DPP10: variants seen among roughly 807,000 people sequenced by gnomAD.
DPP10 encodes the protein inactive dipeptidyl peptidase 10.
In DPP10, 33 loss-of-function variants were observed where a neutral mutation model predicts 120.9. The observed-to-expected ratio is 0.27, with a 90% CI of 0.21 to 0.37. The LOEUF (loss-of-function observed/expected upper bound fraction) is 0.37, where lower values mean the gene tolerates loss of function less well. Ranked by LOEUF, DPP10 falls within the 10% of genes least tolerant of loss-of-function variation. The pLI, the probability that DPP10 is intolerant of heterozygous loss-of-function variation, is 1.00. For missense variants in DPP10, 816 were observed against 942.8 expected (o/e 0.87, Z 1.76); for synonymous variants, 337 against 326.1 (o/e 1.03, Z -0.36).
chr2:115,416,529 A>G (rs1292641975), intron 3 of DPP10, among the ~76,000 whole-genome samples: 2 of 152,056 alleles, frequency 1.3e-5, no homozygotes, highest in African/African-American at 2.4e-5. Context: ...ACCCTAGGCC[A>G]TCTATTCTGT....
At chr2:115,010,885 C>G (rs1340002186) in intron 1 of DPP10, among the ~76,000 whole-genome samples, 1 of 152,102 alleles carries the variant, frequency 6.6e-6, no homozygotes. Flanking sequence ...AAGATTGATG[C>G]AGAACAACTA....
intron 1 of DPP10, among the ~76,000 whole-genome samples, chr2:115,023,475 GAAAAAAATC>G (rs1487364654): frequency 6.6e-6 from 1 of 151,642 alleles, no homozygotes; most frequent in Non-Finnish European, 1.5e-5. Flanking sequence ...TGGTCATAAT[GAAAAAAATC>G]AAAAAAATAA....
intron 1 of DPP10, among the ~76,000 whole-genome samples, chr2:115,121,952 G>A (rs1056745856): frequency 6.6e-6 from 1 of 152,192 alleles, no homozygotes; most frequent in Non-Finnish European, 1.5e-5. Flanking sequence ...GATTTGGGGG[G>A]ATCAAAATTT....
At chr2:115,826,354 A>G (rs1688314302) in intron 21 of DPP10, among the ~76,000 whole-genome samples, 1 of 152,188 alleles carries the variant, frequency 6.6e-6, no homozygotes, top group Non-Finnish European at 1.5e-5. Context: ...TTATTTCCAT[A>G]CTTTTTTATT....
At chr2:114,879,431 T>C (rs1691427503) in intron 1 of DPP10, among the ~76,000 whole-genome samples, 1 of 152,136 alleles carries the variant, frequency 6.6e-6, no homozygotes, top group African/African-American at 2.4e-5. Context: ...CTCAACTCTT[T>C]TAAAACTTTC....
chr2:114,613,942 G>A (rs1693476715), intron 1 of DPP10, among the ~76,000 whole-genome samples: 1 of 152,080 alleles, frequency 6.6e-6, no homozygotes, highest in South Asian at 2.1e-4. Context: ...CCCAGGAAGG[G>A]GAACATCATA....
intron 2 of DPP10, among the ~76,000 whole-genome samples, chr2:115,324,206 G>A (rs1202004842): frequency 1.3e-5 from 2 of 152,130 alleles, no homozygotes; most frequent in Non-Finnish European, 2.9e-5. Flanking sequence ...AACCCAGGAG[G>A]TGGAGGTTGC....
rs192017655 is a variant in DPP10 at position 115,254,463 on chromosome 2, C to T, written c.61-54776C>T. ...GATATAGCCAAACCATATTATTCCACCCCTGGACCCTCCCAAATCTCATGT... is the reference window on the plus strand; with the variant it reads ...GATATAGCCAAACCATATTATTCCATCCCTGGACCCTCCCAAATCTCATGT... On this transcript the variant is annotated intron_variant, in intron 1 of 25. Coordinates refer to ENST00000410059, the MANE Select transcript of DPP10 (RefSeq NM_020868.6). 1.7e-3 allele frequency among the ~76,000 whole-genome samples: 264 copies of T among 152,266 alleles called. 5 individuals are homozygous for T. Among genetic ancestry groups the T allele is most frequent in the Admixed American group, 0.016 (240 of 15,294 alleles).
At chr2:114,829,667 G>A (rs543370342) in intron 1 of DPP10, among the ~76,000 whole-genome samples, 1 of 151,820 alleles carries the variant, frequency 6.6e-6, no homozygotes, top group South Asian at 2.1e-4. Flanking sequence ...GTGAGCCACC[G>A]TGCCTGGCCG....
chr2:115,364,812 G>A (rs1404524175), intron 3 of DPP10, among the ~76,000 whole-genome samples: 1 of 151,658 alleles, frequency 6.6e-6, no homozygotes, highest in Non-Finnish European at 1.5e-5. Flanking sequence ...TTACTACTTT[G>A]GTACAACAGA....
intron 1 of DPP10, among the ~76,000 whole-genome samples, chr2:115,273,165 C>G (rs563664503): frequency 1.3e-5 from 2 of 152,178 alleles, no homozygotes; most frequent in East Asian, 3.9e-4. Context: ...ATGTAACTTG[C>G]TTGGATGTTC....
At chr2:114,757,420 A>G (rs1477499370) in intron 1 of DPP10, among the ~76,000 whole-genome samples, 1 of 150,606 alleles carries the variant, frequency 6.6e-6, no homozygotes, top group Non-Finnish European at 1.5e-5. Flanking sequence ...GAAGGAAGGA[A>G]GGAAAGAAGG....
chr2:114,892,996 G>T (rs558529207), intron 1 of DPP10, among the ~76,000 whole-genome samples: 2 of 152,108 alleles, frequency 1.3e-5, no homozygotes, highest in Non-Finnish European at 2.9e-5. Context: ...TTTCTTAGGC[G>T]TATTCCATGG....
chr2:115,212,981 A>G (rs913062417), intron 1 of DPP10, among the ~76,000 whole-genome samples: 1 of 152,162 alleles, frequency 6.6e-6, no homozygotes, highest in African/African-American at 2.4e-5. Context: ...CAAAATGGAG[A>G]TCCACTCCAT....
At chr2:114,488,424 T>C (rs1681698993) in intron 1 of DPP10, among the ~76,000 whole-genome samples, 1 of 152,226 alleles carries the variant, frequency 6.6e-6, no homozygotes, top group Non-Finnish European at 1.5e-5. Context: ...CAATGTCTAA[T>C]GTAGAGTATG....
chr2:115,481,327 G>T (rs2075414023), intron 3 of DPP10, among the ~76,000 whole-genome samples: 1 of 152,096 alleles, frequency 6.6e-6, no homozygotes, highest in Non-Finnish European at 1.5e-5. Context: ...ATTTAATAGT[G>T]ACTCTCTTAG....
intron 3 of DPP10, among the ~76,000 whole-genome samples, chr2:115,448,401 A>T (rs1208598568): frequency 2.0e-5 from 3 of 152,228 alleles, no homozygotes; most frequent in Non-Finnish European, 2.9e-5. Flanking sequence ...GCACAATTGT[A>T]CTTTAATGTA....
intron 3 of DPP10, 118 bp from the exon 4 acceptor site, chr2:115,499,392 T>C (rs2076564277): frequency 2.6e-6 from 2 of 755,674 alleles, no homozygotes; most frequent in African/African-American, 1.8e-5. Flanking sequence ...GCTTGGGTTA[T>C]TGAAGGCTAA....
At chr2:115,630,728 C>A (rs537336243) in intron 5 of DPP10, among the ~76,000 whole-genome samples, 3 of 152,258 alleles carry the variant, frequency 2.0e-5, no homozygotes, top group East Asian at 3.9e-4. Context: ...ATATGTTGAA[C>A]TAGCCTTGTA....
Sources: gnomAD v4.1 joint callset for allele counts (sites outside exome capture counted in the v4.1 genomes callset) on GRCh38, gnomAD v4.1.1 for gene constraint, MANE v1.5 for transcripts, NCBI Gene and HGNC (gene_info 2026-07-23, HGNC 2026-07-21) for gene names.